The following RASSF1 variants were observed in gnomAD, a reference collection of about 807,000 sequenced individuals.
The protein encoded by RASSF1 is Ras association domain family member 1, also known as ras association domain-containing protein 1.
Under a neutral mutation model 34.3 loss-of-function variants are expected in RASSF1, and 33 were observed. The observed-to-expected ratio is 0.96, with a 90% CI of 0.73 to 1.29. RASSF1 has a LOEUF of 1.29. Ranked by LOEUF, RASSF1 falls within the 50% of genes most tolerant of loss-of-function variation. The pLI, the probability that RASSF1 is intolerant of heterozygous loss-of-function variation, is 0.00. For missense variants in RASSF1, 445 were observed against 471.8 expected, an observed-to-expected ratio of 0.94 and a Z score of 0.53; for synonymous variants, 191 against 195.0, an observed-to-expected ratio of 0.98 and a Z score of 0.17.
rs1340931908 is a variant in RASSF1 at position 50,330,642 on chromosome 3, T to C, written c.962A>G (p.Gln321Arg). 24 of 1,614,046 alleles carry C rather than the reference T, an allele frequency of 1.5e-5. No homozygotes were observed. Among genetic ancestry groups the C allele is most frequent in the Non-Finnish European group, 1.9e-5 (23 of 1,180,024 alleles). Residue 321 changes from glutamine to arginine, a missense_variant, in exon 6 of 6, where the codon CAG (glutamine) becomes CGG (arginine). Coordinates refer to ENST00000359365, the MANE Select transcript of RASSF1 (RefSeq NM_007182.5). This position sits in a 1 kb window ranked among gnomAD's most constrained non-coding sequence, Gnocchi z 4.5. The stretch of plus-strand genomic sequence containing the variant: ...CTTCTGGCGGCAATAGGAGTACTTC[T>C]GCAGGATCTGGCGGAGGTGCTCCTC... ...EEEEHLRQIL[Q>R]KYSYCRQKIQ...
intron 2 of RASSF1, among the ~76,000 whole-genome samples, 163 bp from the exon 3 acceptor site, chr3:50,332,317 T>G (rs1702980601): frequency 6.6e-6 from 1 of 152,174 alleles, no homozygotes; most frequent in African/African-American, 2.4e-5. Flanking sequence ...CTGCTCCTGG[T>G]TTTGCATGCT....
rs1266825748 is a variant in RASSF1 at position 50,335,299 on chromosome 3, GCCT to G, written c.357+2603_357+2605del. On this transcript the variant is annotated intron_variant, in intron 2 of 5. Coordinates refer to ENST00000359365, the MANE Select transcript of RASSF1 (RefSeq NM_007182.5). Reference sequence around the variant, plus strand: ...TTAACATATAACTTGGGACTTCTCAGCCTCCTATTCTTTCTTTTTTTTTTTTTT... The same window carrying G: ...TTAACATATAACTTGGGACTTCTCAGCCTATTCTTTCTTTTTTTTTTTTTT... Among the ~76,000 whole-genome samples, 3 of 146,332 alleles carry G rather than the reference GCCT, an allele frequency of 2.1e-5. No homozygotes were observed. The East Asian group carries it at 6.1e-4, about 30-fold the overall frequency.
At chr3:50,335,669 G>T (rs945608837) in intron 2 of RASSF1, among the ~76,000 whole-genome samples, 1 of 152,028 alleles carries the variant, frequency 6.6e-6, no homozygotes, top group South Asian at 2.1e-4. Context: ...AGGTTGGAGT[G>T]CAGTGGCACG....
rs895731874 is a variant in RASSF1, at chr3:50,339,553, G to C, written c.250+1003C>G. Among the ~76,000 whole-genome samples the C allele has an allele frequency of 2.6e-5, 4 of 151,784 alleles. No homozygotes were observed. In the South Asian group the frequency reaches 8.3e-4, roughly 32 times the overall value. ...GCTCATTTTTTTTTATTTTTTAGTA[G>C]ACATGAGGTTTCACCATGTTGGCCA... is the stretch of plus-strand genomic sequence containing the variant. On this transcript the variant is annotated intron_variant, in intron 1 of 5. Coordinates refer to ENST00000359365, the MANE Select transcript of RASSF1 (RefSeq NM_007182.5).
At position 50,337,960 on chromosome 3, in the gene RASSF1, C is replaced by T. The variant is rs750851698; in HGVS notation, c.302G>A (p.Cys101Tyr). 5 of 1,611,018 alleles carry T rather than the reference C, an allele frequency of 3.1e-6. No homozygotes were observed. In the East Asian group the frequency reaches 8.9e-5, roughly 29 times the overall value. Residue 101 changes from cysteine (C) to tyrosine (Y), a missense_variant, in exon 2 of 6, where the codon TGT (cysteine) becomes TAT (tyrosine). Physicochemically the swap from Cys to Tyr is radical, Grantham distance 194. Transcript: ENST00000359365. ...YRCRALVCLDCCGPRDLGWEP... is the reference protein window; with the variant it reads ...YRCRALVCLDYCGPRDLGWEP... ...CCAGCCCAGGTCCCGGGGCCCGCAACAGTCCAGGCAGACGAGCGCGCGGCA... is the reference window on the plus strand; with the variant it reads ...CCAGCCCAGGTCCCGGGGCCCGCAATAGTCCAGGCAGACGAGCGCGCGGCA...
At chr3:50,334,386 T>G (rs1703051257) in intron 2 of RASSF1, among the ~76,000 whole-genome samples, 1 of 152,098 alleles carries the variant, frequency 6.6e-6, no homozygotes, top group African/African-American at 2.4e-5. Context: ...GGCAACCTTG[T>G]CGGGTTAGTA....
chr3:50,337,571 A>T, intron 2 of RASSF1: 1 of 1,385,784 alleles, frequency 7.2e-7, no homozygotes, highest in Non-Finnish European at 9.8e-7. Context: ...CACAGACCCC[A>T]CCTACCACAG....
chr3:50,337,593 G>C (rs1322881806), intron 2 of RASSF1: 3 of 1,265,160 alleles, frequency 2.4e-6, no homozygotes, highest in Non-Finnish European at 3.2e-6. Flanking sequence ...GAACGGGGGC[G>C]GGTGCCAGCG....
Position 50,331,538 on chromosome 3 carries a change from AGGGTGGGGTGGGAAG to A in RASSF1, c.760+6_760+20del. The A allele has an allele frequency of 3.5e-6, 3 of 866,418 alleles. No homozygotes were observed. Among genetic ancestry groups the A allele is most frequent in the East Asian group, 1.1e-4 (2 of 18,980 alleles). 53.7% of individuals were successfully genotyped at this position (866,418 alleles called of 1,614,324 possible). Reference sequence around the variant, plus strand: ...ATGCGTATATACCCTCACATAGGGCAGGGTGGGGTGGGAAGCCCACCTTGGCCGTGACGCTCAGCG... The same window carrying A: ...ATGCGTATATACCCTCACATAGGGCACCCACCTTGGCCGTGACGCTCAGCG... On this transcript the variant is annotated splice_donor_region_variant and intron_variant, in intron 4 of 5. Coordinates refer to ENST00000359365, the MANE Select transcript of RASSF1 (RefSeq NM_007182.5).
Position 50,330,512 on chromosome 3 carries a change from C to T in RASSF1, c.*69G>A, listed in dbSNP as rs587637060. The T allele has an allele frequency of 1.1e-5, 17 of 1,581,236 alleles. No individual in the cohort carries two copies. In the East Asian group the frequency reaches 3.8e-4, roughly 35 times the overall value. ...CACTCATTCCACAGGCCCCACTGGC[C>T]CTGTCACACTCACACGGCACGCACT... On this transcript the variant is annotated 3_prime_UTR_variant, in exon 6 of 6. Coordinates refer to ENST00000359365, the MANE Select transcript of RASSF1 (RefSeq NM_007182.5). This position sits in a 1 kb window ranked among gnomAD's most constrained non-coding sequence, Gnocchi z 4.5.
rs376980102 is a variant in RASSF1, at chr3:50,331,605, G to A, written c.714C>T (p.Asp238=). The part of the protein sequence containing the change: ...ALLRKFLVVD[D]PRKFALFERA... ...GCTCAAAGAGTGCAAACTTGCGGGG[G>A]TCATCCACCACCAAGAACTTTCGCA... The change falls in exon 4 of 6, where the codon GAC becomes GAT. Residue 238 remains aspartate (D), a synonymous_variant. Transcript: ENST00000359365. 11 of 1,604,406 alleles carry A rather than the reference G, an allele frequency of 6.9e-6. No individual in the cohort carries two copies. The African/African-American group carries it at 8.0e-5, about 12-fold the overall frequency.
intron 2 of RASSF1, chr3:50,337,428 G>A (rs1703191344): frequency 6.3e-7 from 1 of 1,580,568 alleles, no homozygotes; most frequent in East Asian, 2.3e-5. Flanking sequence ...CCGGGCCAGA[G>A]CCGCGCCGCA....
intron 2 of RASSF1, 104 bp downstream of exon 2, chr3:50,337,801 A>G: frequency 8.3e-7 from 1 of 1,207,200 alleles, no homozygotes; most frequent in Non-Finnish European, 1.2e-6. Flanking sequence ...GAAATCGGCA[A>G]TTAGAACGCT....
At chr3:50,335,180 C>T (rs1266476861) in intron 2 of RASSF1, among the ~76,000 whole-genome samples, 2 of 152,068 alleles carry the variant, frequency 1.3e-5, no homozygotes, top group Admixed American at 6.6e-5. Flanking sequence ...GAACTCCTGA[C>T]CTCATGATCC....
Position 50,330,441 on chromosome 3 carries a change from G to T in RASSF1, c.*140C>A, listed in dbSNP as rs1553718119. The T allele has an allele frequency of 1.7e-6, 2 of 1,207,640 alleles. No individual in the cohort carries two copies. Among genetic ancestry groups the T allele is most frequent in the Non-Finnish European group, 2.3e-6 (2 of 862,762 alleles). 74.8% of individuals were successfully genotyped at this position (1,207,640 alleles called of 1,614,324 possible). ...GTGGACACAGGGAGCAAGCTACTTC[G>T]CTGTTCTCTGGGCTCATTCCCCCAG... On this transcript the variant is annotated 3_prime_UTR_variant, in exon 6 of 6. Transcript: ENST00000359365. This position sits in a 1 kb window ranked among gnomAD's most constrained non-coding sequence, Gnocchi z 4.5.
intron 1 of RASSF1, 119 bp from the exon 2 acceptor site, chr3:50,338,130 C>A: frequency 6.7e-7 from 1 of 1,483,640 alleles, no homozygotes; most frequent in Middle Eastern, 2.1e-4. Context: ...CCCGACCTAT[C>A]TCAGTGGGTT....
intron 2 of RASSF1, among the ~76,000 whole-genome samples, chr3:50,334,824 C>G (rs1703067929): frequency 6.6e-6 from 1 of 152,176 alleles, no homozygotes; most frequent in Admixed American, 6.5e-5. Context: ...GTTTCTTTTT[C>G]TGTTTCCAAA....
At chr3:50,331,478 A>C (rs771411656) in intron 4 of RASSF1, 29 bp from the exon 5 acceptor site, 1 of 1,535,558 alleles carries the variant, frequency 6.5e-7, no homozygotes, top group East Asian at 2.4e-5. Flanking sequence ...GATCAGAGAC[A>C]GGGCCAGCTG....
rs755239783 is a variant in RASSF1 at position 50,340,533 on chromosome 3, A to G, written c.250+23T>C. On this transcript the variant is annotated intron_variant, in intron 1 of 5. Coordinates refer to ENST00000359365, the MANE Select transcript of RASSF1 (RefSeq NM_007182.5). Reference sequence around the variant, plus strand: ...CCTTGGCTGCCCCTTCCGCTCTCGTAGGCGCGCGGGGCCACTACTCACGCG... The same window carrying G: ...CCTTGGCTGCCCCTTCCGCTCTCGTGGGCGCGCGGGGCCACTACTCACGCG... The G allele has an allele frequency of 1.8e-5, 26 of 1,463,388 alleles. No individual in the cohort carries two copies. In the East Asian group the frequency reaches 4.0e-4, roughly 23 times the overall value. 90.7% of individuals were successfully genotyped at this position (1,463,388 alleles called of 1,614,324 possible). A position where few individuals can be genotyped will look rare whatever the true frequency, so the allele number is the denominator to read the frequency against.
Sources: gnomAD v4.1 joint callset for allele counts (sites outside exome capture counted in the v4.1 genomes callset) on GRCh38, gnomAD v4.1.1 for gene constraint, Gnocchi (gnomAD v3.1) non-coding constraint, MANE v1.5 for transcripts, NCBI Gene and HGNC (gene_info 2026-07-23, HGNC 2026-07-21) for gene names.